The following CCDC102B variants were observed in gnomAD, a reference collection of about 807,000 sequenced individuals.
The protein encoded by CCDC102B is coiled-coil domain containing 102B.
CCDC102B carries 75 observed loss-of-function variants against 57.4 expected under a neutral mutation model. The observed-to-expected ratio is 1.31, with a 90% CI of 1.08 to 1.58. The LOEUF is 1.58. CCDC102B is among the 40% of genes most tolerant of loss of function. The pLI is 0.00. For missense variants in CCDC102B, 636 were observed against 582.6 expected (o/e 1.09, Z -0.94); for synonymous variants, 206 against 201.9 (o/e 1.02, Z -0.17).
At chr18:68,860,401 AT>A (rs1243677062) in intron 4 of CCDC102B, among the ~76,000 whole-genome samples, 9 of 73,274 alleles carry the variant, frequency 1.2e-4, no homozygotes, top group Admixed American at 4.6e-4. Flanking sequence ...ATGTATACAT[AT>A]GTAACTAACC....
chr18:68,970,938 G>A (rs1248747290), intron 6 of CCDC102B, among the ~76,000 whole-genome samples: 1 of 151,736 alleles, frequency 6.6e-6, no homozygotes, highest in Non-Finnish European at 1.5e-5. Context: ...TGATTTTATT[G>A]TGCAGTATAT....
intron 1 of CCDC102B, among the ~76,000 whole-genome samples, chr18:68,829,533 C>A (rs2037057995): frequency 6.6e-6 from 1 of 152,012 alleles, no homozygotes; most frequent in Admixed American, 6.6e-5. Context: ...ATAGGACAAT[C>A]TTTGATCTTC....
chr18:69,010,919 G>T lies in CCDC102B; in HGVS notation c.1264-15G>T, dbSNP rs759438293. 3 of 1,546,276 alleles carry T rather than the reference G, an allele frequency of 1.9e-6. No homozygotes were observed. Among genetic ancestry groups the T allele is most frequent in the Non-Finnish European group, 8.7e-7 (1 of 1,144,114 alleles). ...ATAGACTATAAATAATGTAATTTTT[G>T]TTTTCCTTTGAAAGGAATTACTGAA... On this transcript the variant is annotated splice_polypyrimidine_tract_variant and intron_variant, in intron 6 of 7. Transcript: ENST00000360242.
At chr18:68,919,647 G>A (rs2041204040) in intron 6 of CCDC102B, among the ~76,000 whole-genome samples, 1 of 152,086 alleles carries the variant, frequency 6.6e-6, no homozygotes. Context: ...GAACTCTGCT[G>A]CAAACTTAGG....
At chr18:68,770,816 G>T (rs1426043720) in intron 2 of CCDC102B, among the ~76,000 whole-genome samples, 3 of 152,230 alleles carry the variant, frequency 2.0e-5, no homozygotes, top group Admixed American at 2.0e-4. Context: ...TAAGAGCCAG[G>T]CTTTGTAGAA....
chr18:68,911,830 A>G (rs1402556965), intron 6 of CCDC102B, among the ~76,000 whole-genome samples: 1 of 150,646 alleles, frequency 6.6e-6, no homozygotes, highest in African/African-American at 2.4e-5. Context: ...TGATCAAATA[A>G]TTTGTACAGC....
intron 6 of CCDC102B, among the ~76,000 whole-genome samples, chr18:68,921,400 G>T (rs563365500): frequency 2.0e-5 from 3 of 152,278 alleles, no homozygotes; most frequent in African/African-American, 7.2e-5. Flanking sequence ...CAGAATAATG[G>T]TTTCCAAAGC....
intron 3 of CCDC102B, among the ~76,000 whole-genome samples, chr18:68,843,231 C>T (rs2037715634): frequency 6.6e-6 from 1 of 152,100 alleles, no homozygotes; most frequent in Non-Finnish European, 1.5e-5. Flanking sequence ...CAGTTTAATA[C>T]TATCTCTAAA....
intron 1 of CCDC102B, among the ~76,000 whole-genome samples, chr18:68,803,715 T>C (rs1211799077): frequency 6.8e-6 from 1 of 146,306 alleles, no homozygotes; most frequent in Non-Finnish European, 1.5e-5. Context: ...ATTGCATTTT[T>C]TGCCATTACT....
chr18:68,801,031 A>G (rs1238760411), intron 1 of CCDC102B, among the ~76,000 whole-genome samples: 1 of 152,094 alleles, frequency 6.6e-6, no homozygotes, highest in East Asian at 1.9e-4. Context: ...CAATGTATAC[A>G]TGATGGTAAC....
At chr18:69,012,694 A>G (rs907104822) in intron 7 of CCDC102B, among the ~76,000 whole-genome samples, 1 of 152,076 alleles carries the variant, frequency 6.6e-6, no homozygotes, top group Non-Finnish European at 1.5e-5. Flanking sequence ...TGTCCAAAAT[A>G]TGCATGATTC....
chr18:68,721,894 G>A (rs933682765), intron 2 of CCDC102B, among the ~76,000 whole-genome samples: 1 of 152,152 alleles, frequency 6.6e-6, no homozygotes, highest in Admixed American at 6.5e-5. Context: ...GCTGTCAAAA[G>A]AAACCTCAAC....
At chr18:68,854,434 A>AT in intron 4 of CCDC102B, among the ~76,000 whole-genome samples, 2 of 152,296 alleles carry the variant, frequency 1.3e-5, no homozygotes, top group South Asian at 4.1e-4. Flanking sequence ...TATAAAAATC[A>AT]TTTTTAAGTT....
At chr18:68,917,779 G>T (rs1001294710) in intron 6 of CCDC102B, among the ~76,000 whole-genome samples, 4 of 151,852 alleles carry the variant, frequency 2.6e-5, no homozygotes, top group Non-Finnish European at 4.4e-5. Flanking sequence ...ACCAAGAATC[G>T]CTATGTTTTG....
chr18:68,847,135 CA>C (rs907602060), intron 4 of CCDC102B, among the ~76,000 whole-genome samples: 3 of 151,696 alleles, frequency 2.0e-5, no homozygotes, highest in African/African-American at 7.2e-5. Context: ...ACTATTTTTA[CA>C]TGAGTTAACA....
chr18:68,842,968 T>C (rs2037703156), intron 3 of CCDC102B, among the ~76,000 whole-genome samples: 1 of 151,992 alleles, frequency 6.6e-6, no homozygotes, highest in Non-Finnish European at 1.5e-5. Context: ...TTTTGTGGCA[T>C]GAGAGTTGGT....
At position 68,790,561 on chromosome 18, in the gene CCDC102B, T is replaced by C. The variant is rs557117329; in HGVS notation, c.-66-32805T>C. Among the ~76,000 whole-genome samples, 259 of 152,268 alleles carry C rather than the reference T, an allele frequency of 1.7e-3. 2 individuals are homozygous for C. Among genetic ancestry groups the C allele is most frequent in the Middle Eastern group, 6.8e-3 (2 of 294 alleles). ...CCGTTTTTCAAGCCCGTCGGAAAAG[T>C]GCAGTATTCGGGTGGGAGTGACCCG... On this transcript the variant is annotated intron_variant, in intron 2 of 3. Coordinates refer to the CCDC102B transcript ENST00000578970.
intron 2 of CCDC102B, among the ~76,000 whole-genome samples, chr18:68,748,146 C>T (rs1232242951): frequency 6.7e-6 from 1 of 150,100 alleles, no homozygotes; most frequent in African/African-American, 2.5e-5. Flanking sequence ...TACTTGATGG[C>T]CATTTATATG....
At position 69,051,897 on chromosome 18, in the gene CCDC102B, A is replaced by G. The variant is rs2052715607; in HGVS notation, c.1435-2133A>G. On this transcript the variant is annotated intron_variant, in intron 7 of 7. Coordinates refer to ENST00000360242, the MANE Select transcript of CCDC102B (RefSeq NM_024781.3). ...TAAAATTAACTCCTGCTTGATCAAG[A>G]ACATAAATGACAAGTGTAAAACATG... 4.0e-5 allele frequency among the ~76,000 whole-genome samples: 6 copies of G among 151,858 alleles called. No homozygotes were observed. The South Asian group carries it at 1.2e-3, about 31-fold the overall frequency.
Sources: allele counts gnomAD v4.1 joint callset (sites outside exome capture counted in the v4.1 genomes callset), GRCh38; gene constraint gnomAD v4.1.1; transcripts MANE v1.5; gene names NCBI Gene and HGNC (gene_info 2026-07-23, HGNC 2026-07-21).